The following NTM variants were observed in gnomAD, a reference collection of about 807,000 sequenced individuals.
The protein encoded by NTM is neurotrimin, also known as IgLON family member 2.
A neutral mutation model predicts 42.1 loss-of-function variants in NTM; 13 were observed. The ratio of observed to expected loss-of-function variants is 0.31; its 90% CI spans 0.20 to 0.49. NTM has a LOEUF of 0.49. Ranked by LOEUF, NTM falls within the 20% of genes least tolerant of loss-of-function variation. NTM has a pLI of 0.99. For synonymous variants in NTM, 187 were observed against 179.2 expected (o/e 1.04, Z -0.35); for missense variants, 373 against 452.8 (o/e 0.82, Z 1.60).
intron 2 of NTM, among the ~76,000 whole-genome samples, chr11:132,031,250 A>T (rs11820533): frequency 0.018 from 2,698 of 152,210 alleles, 82 homozygotes; most frequent in African/African-American, 0.062. Context: ...GAACATCTTT[A>T]ACTTTTACTC....
At chr11:131,784,141 T>C (rs1031000322) in intron 1 of NTM, among the ~76,000 whole-genome samples, 1 of 151,914 alleles carries the variant, frequency 6.6e-6, no homozygotes, top group Non-Finnish European at 1.5e-5. Flanking sequence ...AAAAAGAAAG[T>C]GTTAAGGAGG....
At chr11:132,118,625 A>G (rs2136887839) in intron 2 of NTM, among the ~76,000 whole-genome samples, 1 of 152,304 alleles carries the variant, frequency 6.6e-6, no homozygotes, top group South Asian at 2.1e-4. Flanking sequence ...TTCTGTCCTC[A>G]AGAGCCACGG....
At chr11:131,460,876 TG>T (rs1951315121) in intron 1 of NTM, among the ~76,000 whole-genome samples, 1 of 152,200 alleles carries the variant, frequency 6.6e-6, no homozygotes, top group African/African-American at 2.4e-5. Context: ...TTGATGTCAC[TG>T]GGGAAATTCA....
At chr11:131,862,337 A>G (rs1424791962) in intron 1 of NTM, among the ~76,000 whole-genome samples, 2 of 152,184 alleles carry the variant, frequency 1.3e-5, no homozygotes, top group African/African-American at 4.8e-5. Context: ...TGACAAAAGA[A>G]AGCCATCAGA....
At chr11:132,144,344 G>C (rs146746794) in intron 2 of NTM, among the ~76,000 whole-genome samples, 1 of 152,270 alleles carries the variant, frequency 6.6e-6, no homozygotes, top group East Asian at 1.9e-4. Flanking sequence ...TCCCCAGGGG[G>C]CTCATGTGCA....
intron 1 of NTM, among the ~76,000 whole-genome samples, chr11:131,715,267 C>A (rs2077571867): frequency 6.6e-6 from 1 of 152,146 alleles, no homozygotes; most frequent in African/African-American, 2.4e-5. Flanking sequence ...CTATTTATAG[C>A]AAGATTGAAC....
chr11:131,540,204 G>A (rs1426210985), intron 1 of NTM, among the ~76,000 whole-genome samples: 2 of 112,180 alleles, frequency 1.8e-5, no homozygotes, highest in African/African-American at 7.0e-5. Flanking sequence ...TCCCTCTGTT[G>A]CCCAGGAAGG....
At chr11:131,862,267 C>A (rs1390258497) in intron 1 of NTM, among the ~76,000 whole-genome samples, 1 of 152,130 alleles carries the variant, frequency 6.6e-6, no homozygotes, top group East Asian at 1.9e-4. Context: ...ACAGAGAACA[C>A]AAAGTCAAGT....
At chr11:131,997,649 T>C (rs2068325051) in intron 2 of NTM, among the ~76,000 whole-genome samples, 1 of 152,182 alleles carries the variant, frequency 6.6e-6, no homozygotes, top group Admixed American at 6.5e-5. Flanking sequence ...TCCATTTTCT[T>C]TTCCTTTTTA....
intron 1 of NTM, among the ~76,000 whole-genome samples, chr11:131,705,461 T>C (rs1689560276): frequency 6.6e-6 from 1 of 152,170 alleles, no homozygotes; most frequent in African/African-American, 2.4e-5. Flanking sequence ...GATTTGCCTT[T>C]CAAGAAATGC....
chr11:131,593,168 A>C (rs575898659), intron 1 of NTM, among the ~76,000 whole-genome samples: 12 of 152,268 alleles, frequency 7.9e-5, no homozygotes, highest in African/African-American at 2.4e-4. Context: ...GGCAAAGAGC[A>C]GTCCTGTCCC....
At chr11:131,633,692 TCCCTCCCTCTCTCCTTCTCTCC>T in intron 1 of NTM, among the ~76,000 whole-genome samples, 1 of 97,710 alleles carries the variant, frequency 1.0e-5, no homozygotes, top group Non-Finnish European at 2.1e-5. Context: ...TCTCTCTCTC[TCCCTCCCTCTCTCCTTCTCTCC>T]CTCCCTCTCT....
intron 1 of NTM, among the ~76,000 whole-genome samples, chr11:131,558,033 A>G (rs192214872): frequency 1.3e-5 from 2 of 152,316 alleles, no homozygotes; most frequent in East Asian, 3.9e-4. Flanking sequence ...TAGTACTGAC[A>G]TACGAAACCA....
intron 1 of NTM, among the ~76,000 whole-genome samples, chr11:131,506,607 A>G (rs952063355): frequency 1.6e-4 from 24 of 152,182 alleles, no homozygotes; most frequent in Non-Finnish European, 3.4e-4. Flanking sequence ...TCTAGTTCTC[A>G]GGATGAGTTA....
At chr11:132,328,221 C>A (rs551659412) in intron 7 of NTM, among the ~76,000 whole-genome samples, 1 of 152,074 alleles carries the variant, frequency 6.6e-6, no homozygotes, top group Non-Finnish European at 1.5e-5. Context: ...AGAGTATATA[C>A]GAAAATATCC....
intron 2 of NTM, among the ~76,000 whole-genome samples, chr11:132,058,139 A>G (rs1227146769): frequency 6.6e-6 from 1 of 152,030 alleles, no homozygotes; most frequent in Non-Finnish European, 1.5e-5. Flanking sequence ...TTTGATGTTC[A>G]TGGTGGCGTT....
At chr11:131,406,756 A>G (rs905231229) in intron 1 of NTM, among the ~76,000 whole-genome samples, 2 of 152,234 alleles carry the variant, frequency 1.3e-5, no homozygotes, top group Non-Finnish European at 2.9e-5. Flanking sequence ...TTGGACTTCA[A>G]TTGACTGCAG....
intron 2 of NTM, among the ~76,000 whole-genome samples, chr11:132,116,105 T>C (rs1341569067): frequency 1.3e-5 from 2 of 152,194 alleles, no homozygotes; most frequent in African/African-American, 4.8e-5. Context: ...CCACTCTAGG[T>C]ATAACAGTAG....
chr11:131,489,799 A>G (rs1207823095), intron 1 of NTM, among the ~76,000 whole-genome samples: 3 of 152,232 alleles, frequency 2.0e-5, no homozygotes, highest in African/African-American at 4.8e-5. Flanking sequence ...CAAGTTCACA[A>G]TGTATTCACT....
Sources: allele counts gnomAD v4.1 joint callset (sites outside exome capture counted in the v4.1 genomes callset), GRCh38; gene constraint gnomAD v4.1.1; transcripts MANE v1.5; gene names NCBI Gene and HGNC (gene_info 2026-07-23, HGNC 2026-07-21).